C11orf54: variants seen among roughly 807,000 people sequenced by gnomAD.
C11orf54 encodes beta-keto-L-gulonate decarboxylase, also known as beta-keto L-gulonate decarboxylase.
A neutral mutation model predicts 35.5 loss-of-function variants in C11orf54; 29 were observed. That is an observed-to-expected ratio of 0.82 (90% confidence interval 0.61 to 1.11). The LOEUF is 1.11. C11orf54 is among the 50% of genes most tolerant of loss of function. The pLI, the probability that C11orf54 is intolerant of heterozygous loss-of-function variation, is 0.00. For missense variants in C11orf54, 373 were observed against 369.2 expected (o/e 1.01, Z -0.08); for synonymous variants, 108 against 121.1 (o/e 0.89, Z 0.71).
chr11:93,749,280 G>C (rs1017831609), intron 2 of C11orf54, among the ~76,000 whole-genome samples: 1 of 151,912 alleles, frequency 6.6e-6, no homozygotes, highest in African/African-American at 2.4e-5. Flanking sequence ...CCAGGAGTTT[G>C]AGAGCCACCT....
chr11:93,742,794 G>A (rs1476727552), intron 1 of C11orf54: 1 of 152,166 alleles, frequency 6.6e-6, no homozygotes, highest in East Asian at 1.9e-4. Context: ...TCTGGGCAAT[G>A]ACGAAGCTCC....
At chr11:93,756,148 C>T (rs376040210) in intron 6 of C11orf54, among the ~76,000 whole-genome samples, 3 of 46,328 alleles carry the variant, frequency 6.5e-5, no homozygotes, top group Non-Finnish European at 8.9e-5. Context: ...GCCTGGGCAA[C>T]AAAGCAAGAC....
intron 1 of C11orf54, among the ~76,000 whole-genome samples, chr11:93,745,349 C>A (rs1942405983): frequency 6.6e-6 from 1 of 152,136 alleles, no homozygotes. Context: ...GGGCAGAGGT[C>A]CCTGCAGCTT....
chr11:93,753,812 T>G, intron 4 of C11orf54, 57 bp downstream of exon 4: 4 of 1,579,840 alleles, frequency 2.5e-6, no homozygotes, highest in Non-Finnish European at 3.5e-6. Flanking sequence ...GGTTGATTAC[T>G]GTGTTTATTA....
Position 93,763,188 on chromosome 11 carries a change from G to C in C11orf54, c.*1500G>C, listed in dbSNP as rs1168586908. On this transcript the variant is annotated 3_prime_UTR_variant, in exon 9 of 9. Transcript: ENST00000354421. ...CTTCTCTCTGGAGTGTACACTTCAT[G>C]TGGGCAAGGGCCTTGTTCACGACTG... 6.6e-6 allele frequency: 1 copy of C among 152,166 alleles called. No individual in the cohort carries two copies. The highest frequency in any genetic ancestry group is 1.5e-5 in the Non-Finnish European group (1 of 68,032). 9.4% of individuals were successfully genotyped at this position (152,166 alleles called of 1,614,324 possible).
chr11:93,752,224 T>C (rs998780242), intron 3 of C11orf54, among the ~76,000 whole-genome samples: 1 of 152,126 alleles, frequency 6.6e-6, no homozygotes, highest in African/African-American at 2.4e-5. Context: ...TGTGAGTCTT[T>C]AAATTGCAAT....
intron 3 of C11orf54, among the ~76,000 whole-genome samples, chr11:93,751,135 C>CAT (rs995661641): frequency 6.6e-6 from 1 of 152,118 alleles, no homozygotes; most frequent in Non-Finnish European, 1.5e-5. Context: ...GATAAACACT[C>CAT]AAAGTGTTCT....
At chr11:93,744,359 C>G (rs537256463) in intron 1 of C11orf54, among the ~76,000 whole-genome samples, 1 of 152,254 alleles carries the variant, frequency 6.6e-6, no homozygotes, top group East Asian at 1.9e-4. Context: ...AACAACTGAC[C>G]TAACTTTTTA....
chr11:93,764,605 A>T lies in C11orf54; in HGVS notation c.*2917A>T, dbSNP rs943133694. ...AAGATCAAAATGCTTTTCTTTTTAA[A>T]TTTTTTCTTAGTTTTCTTTCTTTAT... is the stretch of plus-strand genomic sequence containing the variant. On this transcript the variant is annotated 3_prime_UTR_variant, in exon 9 of 9. Transcript: ENST00000354421. The T allele has an allele frequency of 1.3e-5, 2 of 151,944 alleles. No individual in the cohort carries two copies. Among genetic ancestry groups the T allele is most frequent in the Non-Finnish European group, 2.9e-5 (2 of 67,982 alleles). The allele number at this position is 151,944 out of a possible 1,614,324, so 9.4% of individuals were successfully genotyped here. A position where few individuals can be genotyped will look rare whatever the true frequency, so the allele number is the denominator to read the frequency against.
intron 6 of C11orf54, among the ~76,000 whole-genome samples, chr11:93,756,457 C>T (rs952431340): frequency 6.7e-6 from 1 of 148,996 alleles, no homozygotes; most frequent in Non-Finnish European, 1.5e-5. Context: ...CACACCACTG[C>T]ACTCCTACCT....
intron 6 of C11orf54, 81 bp downstream of exon 6, chr11:93,755,467 G>A: frequency 6.8e-7 from 1 of 1,468,100 alleles, no homozygotes; most frequent in Non-Finnish European, 9.3e-7. Flanking sequence ...CCATAAATAT[G>A]GTTTTGCTAA....
intron 7 of C11orf54, among the ~76,000 whole-genome samples, 183 bp downstream of exon 7, chr11:93,757,648 G>A (rs1276033077): frequency 6.6e-6 from 1 of 152,036 alleles, no homozygotes. Context: ...TCCTGCCTCA[G>A]CCTACTGAGT....
chr11:93,751,286 AC>A (rs2135608088), intron 3 of C11orf54, among the ~76,000 whole-genome samples: 1 of 152,186 alleles, frequency 6.6e-6, no homozygotes, highest in African/African-American at 2.4e-5. Flanking sequence ...GGGGGCCTTT[AC>A]AGCTTAAACA....
Position 93,755,234 on chromosome 11 carries a change from A to G in C11orf54, c.355A>G (p.Ser119Gly). The change falls in exon 6 of 9, where the codon AGT (serine) becomes GGT (glycine). Residue 119 changes from serine to glycine, a missense_variant. Transcript: ENST00000354421. ...GTTTATGCCAGTTATTCAGACAGAA[A>G]GTGAACACAAGCCTCCTGTAAATGG... ...SEFMPVIQTE[S>G]EHKPPVNGSY... 6.2e-7 allele frequency: 1 copy of G among 1,614,110 alleles called. No individual in the cohort carries two copies. Among genetic ancestry groups the G allele is most frequent in the South Asian group, 1.1e-5 (1 of 91,070 alleles).
At chr11:93,752,577 C>T (rs1942895572) in intron 3 of C11orf54, among the ~76,000 whole-genome samples, 1 of 151,876 alleles carries the variant, frequency 6.6e-6, no homozygotes, top group South Asian at 2.1e-4. Flanking sequence ...TTCCTGGTTC[C>T]TTTTTCTTTC....
At chr11:93,749,505 A>AAT (rs1491283957) in intron 2 of C11orf54, among the ~76,000 whole-genome samples, 1 of 7,206 alleles carries the variant, frequency 1.4e-4, no homozygotes, top group Non-Finnish European at 8.1e-4. Flanking sequence ...ACTCTGTCTC[A>AAT]AAAAAAAAAA....
At chr11:93,755,893 C>T (rs991040792) in intron 6 of C11orf54, among the ~76,000 whole-genome samples, 2 of 151,708 alleles carry the variant, frequency 1.3e-5, no homozygotes, top group South Asian at 2.1e-4. Flanking sequence ...AGGCCAGACG[C>T]GGTGGCTCAC....
Position 93,757,319 on chromosome 11 carries a change from A to C in C11orf54, c.511A>C (p.Ile171Leu). The C allele has an allele frequency of 5.0e-6, 8 of 1,598,020 alleles. No homozygotes were observed. Among genetic ancestry groups the C allele is most frequent in the Non-Finnish European group, 6.8e-6 (8 of 1,179,654 alleles). Reference protein sequence around the residue: ...FASEGQPGKVIEVKAKRRTGP... With the variant: ...FASEGQPGKVLEVKAKRRTGP... ...TGCATCTTTATGTCCTCTATAGGTA[A>C]TTGAGGTGAAAGCCAAAAGAAGAAC... The change falls in exon 7 of 9, where the codon ATT (isoleucine) becomes CTT (leucine). Residue 171 changes from isoleucine to leucine, a missense_variant. Coordinates refer to ENST00000354421, the MANE Select transcript of C11orf54 (RefSeq NM_001286069.2).
chr11:93,757,599 G>C, intron 7 of C11orf54, 134 bp downstream of exon 7: 1 of 948,940 alleles, frequency 1.1e-6, no homozygotes, highest in Non-Finnish European at 1.5e-6. Context: ...GCACAATCTT[G>C]GCTCACTGCA....
Sources: allele counts gnomAD v4.1 joint callset (sites outside exome capture counted in the v4.1 genomes callset), GRCh38; gene constraint gnomAD v4.1.1; transcripts MANE v1.5; gene names NCBI Gene and HGNC (gene_info 2026-07-23, HGNC 2026-07-21).